Variants in GPATCH2 observed in about 807,000 individuals in gnomAD.
The protein encoded by GPATCH2 is G patch domain-containing protein 2.
GPATCH2 carries 51 observed loss-of-function variants against 58.0 expected under a neutral mutation model. The observed-to-expected ratio is 0.88, with a 90% CI of 0.70 to 1.11. The LOEUF is 1.11. Among genes scored for constraint, GPATCH2 ranks in the 50% most tolerant of loss-of-function variants. The pLI is 0.00. For synonymous variants in GPATCH2, 222 were observed against 218.5 expected (o/e 1.02, Z -0.14); for missense variants, 625 against 652.2 (o/e 0.96, Z 0.45).
intron 8 of GPATCH2, among the ~76,000 whole-genome samples, chr1:217,472,199 T>G (rs1008662213): frequency 1.3e-5 from 2 of 151,826 alleles, no homozygotes; most frequent in Admixed American, 1.3e-4. Context: ...CAATAAAGAC[T>G]AATCATAAGC....
chr1:217,624,324 C>T (rs1156839384), intron 1 of GPATCH2, among the ~76,000 whole-genome samples: 1 of 152,186 alleles, frequency 6.6e-6, no homozygotes, highest in Non-Finnish European at 1.5e-5. Context: ...TCAAGACCAG[C>T]TTGGCCAACA....
intron 5 of GPATCH2, chr1:217,608,829 C>A (rs1436819723): frequency 4.7e-5 from 46 of 984,752 alleles, no homozygotes; most frequent in Non-Finnish European, 5.5e-5. Context: ...CACTATTGTA[C>A]CTTTAAATAT....
intron 8 of GPATCH2, among the ~76,000 whole-genome samples, chr1:217,489,545 T>C (rs1376662955): frequency 6.6e-6 from 1 of 152,212 alleles, no homozygotes; most frequent in Non-Finnish European, 1.5e-5. Flanking sequence ...GTTTGTTTTG[T>C]CCATTGTTTT....
At chr1:217,584,364 T>TATATATATATATATATATATATATATAC (rs1226981154) in intron 5 of GPATCH2, among the ~76,000 whole-genome samples, 7 of 121,538 alleles carry the variant, frequency 5.8e-5, no homozygotes, top group African/African-American at 2.1e-4. Context: ...TATATATATA[T>TATATATATATATATATATATATATATAC]ACACACACAC....
chr1:217,459,997 A>C (rs758510598), intron 8 of GPATCH2, among the ~76,000 whole-genome samples: 5 of 152,286 alleles, frequency 3.3e-5, no homozygotes, highest in South Asian at 2.1e-4. Flanking sequence ...AGCAAAGTAG[A>C]GAATATATAT....
intron 5 of GPATCH2, among the ~76,000 whole-genome samples, chr1:217,557,413 A>C (rs1212610192): frequency 1.3e-5 from 2 of 150,998 alleles, no homozygotes; most frequent in East Asian, 3.9e-4. Flanking sequence ...CCATCTCAAA[A>C]AAAAAAAAAA....
At chr1:217,534,713 A>T (rs561608890) in intron 5 of GPATCH2, among the ~76,000 whole-genome samples, 1 of 152,162 alleles carries the variant, frequency 6.6e-6, no homozygotes, top group African/African-American at 2.4e-5. Context: ...CCCTTTCCCA[A>T]TTCTCACTGG....
Position 217,620,514 on chromosome 1 carries a change from G to T in GPATCH2, c.57-15C>A. 2 of 1,497,996 alleles carry T rather than the reference G, an allele frequency of 1.3e-6. No homozygotes were observed. The highest frequency in any genetic ancestry group is 1.8e-6 in the Non-Finnish European group (2 of 1,094,734). 92.8% of individuals were successfully genotyped at this position (1,497,996 alleles called of 1,614,324 possible). On this transcript the variant is annotated splice_polypyrimidine_tract_variant and intron_variant, in intron 1 of 9. Transcript: ENST00000366935. ...TACTGAAATGCCTTCATTTTTTAGAGAAAGAAAAAAGAAAATAGTCAGTCT... is the reference window on the plus strand; with the variant it reads ...TACTGAAATGCCTTCATTTTTTAGATAAAGAAAAAAGAAAATAGTCAGTCT...
At chr1:217,551,849 G>A (rs1308149344) in intron 5 of GPATCH2, among the ~76,000 whole-genome samples, 1 of 152,130 alleles carries the variant, frequency 6.6e-6, no homozygotes, top group Non-Finnish European at 1.5e-5. Flanking sequence ...CAAATGGCAT[G>A]ATTGCCGATG....
intron 5 of GPATCH2, among the ~76,000 whole-genome samples, chr1:217,524,934 GGGAGAGGGA>G (rs1413573055): frequency 2.4e-5 from 1 of 40,888 alleles, no homozygotes; most frequent in African/African-American, 8.2e-5. Flanking sequence ...GAGGGGAGAG[GGGAGAGGGA>G]GATTTCAGTT....
chr1:217,628,635 T>A (rs900846445), intron 1 of GPATCH2, among the ~76,000 whole-genome samples: 1 of 149,834 alleles, frequency 6.7e-6, no homozygotes, highest in Non-Finnish European at 1.5e-5. Flanking sequence ...AGAGTCAATA[T>A]AGTTTATTTT....
intron 5 of GPATCH2, among the ~76,000 whole-genome samples, chr1:217,540,715 C>G (rs541284542): frequency 1.3e-5 from 2 of 152,026 alleles, no homozygotes; most frequent in African/African-American, 2.4e-5. Context: ...AAATTATAAA[C>G]ATGAAAAAAA....
At chr1:217,543,885 C>G (rs1296831334) in intron 5 of GPATCH2, among the ~76,000 whole-genome samples, 5 of 152,078 alleles carry the variant, frequency 3.3e-5, no homozygotes, top group Admixed American at 6.5e-5. Flanking sequence ...AGATGAGAAA[C>G]CAAGAAGAGA....
chr1:217,440,514 A>C (rs1465221416), intron 9 of GPATCH2, among the ~76,000 whole-genome samples: 1 of 152,114 alleles, frequency 6.6e-6, no homozygotes, highest in Non-Finnish European at 1.5e-5. Flanking sequence ...CTGGCCAGGG[A>C]AATCAGGCAA....
chr1:217,459,739 T>G (rs193242872), intron 8 of GPATCH2, among the ~76,000 whole-genome samples: 1 of 152,332 alleles, frequency 6.6e-6, no homozygotes, highest in Admixed American at 6.5e-5. Flanking sequence ...AATAAAATTA[T>G]GAGATATTCC....
chr1:217,627,792 C>T (rs1163298151), intron 1 of GPATCH2, among the ~76,000 whole-genome samples: 1 of 151,424 alleles, frequency 6.6e-6, no homozygotes, highest in South Asian at 2.1e-4. Flanking sequence ...AATCTGAAGA[C>T]CATGCTTCTG....
chr1:217,455,896 T>C (rs1272113849), intron 8 of GPATCH2, among the ~76,000 whole-genome samples: 1 of 151,938 alleles, frequency 6.6e-6, no homozygotes, highest in African/African-American at 2.4e-5. Flanking sequence ...CACAGCAGAA[T>C]GGTGTGGCAG....
intron 5 of GPATCH2, among the ~76,000 whole-genome samples, chr1:217,543,503 T>C (rs1055859861): frequency 2.0e-5 from 3 of 152,000 alleles, no homozygotes; most frequent in Non-Finnish European, 4.4e-5. Context: ...TCTCCTGACC[T>C]CGTGATCTGC....
At chr1:217,525,178 T>C (rs1663827051) in intron 5 of GPATCH2, among the ~76,000 whole-genome samples, 2 of 152,004 alleles carry the variant, frequency 1.3e-5, no homozygotes, top group Middle Eastern at 6.8e-3. Flanking sequence ...TGTAACAATA[T>C]TCCAGTATAT....
Sources: gnomAD v4.1 joint callset for allele counts (sites outside exome capture counted in the v4.1 genomes callset) on GRCh38, gnomAD v4.1.1 for gene constraint, MANE v1.5 for transcripts, NCBI Gene and HGNC (gene_info 2026-07-23, HGNC 2026-07-21) for gene names.